Variants in CLSTN1 observed in about 807,000 individuals in gnomAD.
The protein encoded by CLSTN1 is calsyntenin-1.
A neutral mutation model predicts 108.3 loss-of-function variants in CLSTN1; 28 were observed. That is an observed-to-expected ratio of 0.26 (90% CI 0.19 to 0.35). The LOEUF is 0.35. Among genes scored for constraint, CLSTN1 ranks in the 10% least tolerant of loss-of-function variants. The probability of loss-of-function intolerance (pLI) is 1.00; values close to 1 mark genes in which losing one functional copy is unlikely to be tolerated. For synonymous variants in CLSTN1, 524 were observed against 534.9 expected, an observed-to-expected ratio of 0.98 and a Z score of 0.28; for missense variants, 1,157 against 1,302.6, an observed-to-expected ratio of 0.89 and a Z score of 1.72.
intron 11 of CLSTN1, among the ~76,000 whole-genome samples, chr1:9,736,596 T>C (rs1180683322): frequency 6.6e-6 from 1 of 152,210 alleles, no homozygotes; most frequent in Non-Finnish European, 1.5e-5. Flanking sequence ...GAAGTGCAGA[T>C]GTTACAACGA....
chr1:9,819,817 T>C (rs992639441), intron 1 of CLSTN1, among the ~76,000 whole-genome samples: 2 of 152,234 alleles, frequency 1.3e-5, no homozygotes, highest in African/African-American at 2.4e-5. Context: ...TGGGTAATAC[T>C]GAGGTCTATA....
intron 16 of CLSTN1, 23 bp from the exon 17 acceptor site, chr1:9,731,919 C>T (rs1352306757): frequency 8.7e-6 from 14 of 1,613,696 alleles, no homozygotes; most frequent in East Asian, 2.2e-5. Context: ...AAGAGAGGAT[C>T]GCTGGAGACA....
rs749847453 is a variant in CLSTN1 at position 9,733,512 on chromosome 1, C to T, written c.2316G>A (p.Leu772=). 9.3e-6 allele frequency: 15 copies of T among 1,614,042 alleles called. No homozygotes were observed. The East Asian group carries it at 3.3e-4, about 36-fold the overall frequency. The change falls in exon 16 of 19, where the codon TTG becomes TTA. Residue 772 remains leucine (L), a synonymous_variant. Transcript: ENST00000377298. Reference sequence around the variant, plus strand: ...GCCAGTTCCGATAGCGCAGCAGGTGCAAAACCTCCTCGTAGCTGGCCATGG... The same window carrying T: ...GCCAGTTCCGATAGCGCAGCAGGTGTAAAACCTCCTCGTAGCTGGCCATGG... ...VDTMASYEEV[L]HLLRYRNWHA... is the part of the protein sequence containing the mutation.
At chr1:9,776,048 C>A (rs1013026759) in intron 1 of CLSTN1, among the ~76,000 whole-genome samples, 1 of 151,720 alleles carries the variant, frequency 6.6e-6, no homozygotes, top group Non-Finnish European at 1.5e-5. Flanking sequence ...TCTCAGCTCA[C>A]TGCAACCTTC....
chr1:9,808,018 A>G (rs1171558975), intron 1 of CLSTN1, among the ~76,000 whole-genome samples: 2 of 152,130 alleles, frequency 1.3e-5, no homozygotes, highest in Non-Finnish European at 2.9e-5. Context: ...TGCCACTCCA[A>G]TGCCTCCCAC....
At chr1:9,751,403 T>G (rs1040093512) in intron 5 of CLSTN1, 70 bp downstream of exon 5, 1 of 1,445,650 alleles carries the variant, frequency 6.9e-7, no homozygotes, top group African/African-American at 1.4e-5. Context: ...GCACAGAAGC[T>G]GGGGTGTAAA....
chr1:9,785,969 A>C (rs910699261), intron 1 of CLSTN1, among the ~76,000 whole-genome samples: 1 of 151,838 alleles, frequency 6.6e-6, no homozygotes, highest in African/African-American at 2.4e-5. Context: ...TGAGTTCAGG[A>C]GTTCGACACC....
At position 9,733,898 on chromosome 1, in the gene CLSTN1, A is replaced by G; in HGVS notation, c.2281+74T>C. The G allele has an allele frequency of 6.4e-6, 9 of 1,414,520 alleles. No homozygotes were observed. In the Admixed American group the frequency reaches 1.0e-4, roughly 16 times the overall value. The allele number at this position is 1,414,520 out of a possible 1,614,324, so 87.6% of individuals were successfully genotyped here. Reference sequence around the variant, plus strand: ...AACTCAACATTCTCAGATGGCAGGCAGCAGCCAGCCAAGAGCTCTCAAAGT... The same window carrying G: ...AACTCAACATTCTCAGATGGCAGGCGGCAGCCAGCCAAGAGCTCTCAAAGT... On this transcript the variant is annotated intron_variant, in intron 15 of 18. Coordinates refer to ENST00000377298, the MANE Select transcript of CLSTN1 (RefSeq NM_001009566.3).
Position 9,787,466 on chromosome 1 carries a change from T to C in CLSTN1, c.92-14072A>G, listed in dbSNP as rs983390609. ...TCGCCCAGCCTGGAGTGCAGTGGTG[T>C]GATCTCGGCTCACTGCAAGCTCCGC... is the stretch of plus-strand genomic sequence containing the variant. On this transcript the variant is annotated intron_variant, in intron 1 of 18. Transcript: ENST00000377298. 1.6e-4 allele frequency among the ~76,000 whole-genome samples: 24 copies of C among 146,566 alleles called. 2 individuals carry two copies. The highest frequency in any genetic ancestry group is 4.8e-4 in the South Asian group (2 of 4,180).
intron 1 of CLSTN1, among the ~76,000 whole-genome samples, chr1:9,803,388 C>G (rs563590552): frequency 2.5e-4 from 38 of 152,294 alleles, no homozygotes; most frequent in African/African-American, 9.1e-4. Flanking sequence ...GCAGACAGCC[C>G]AGGTACAGGC....
intron 2 of CLSTN1, among the ~76,000 whole-genome samples, chr1:9,757,830 A>G (rs1477579484): frequency 6.6e-6 from 1 of 152,106 alleles, no homozygotes; most frequent in Non-Finnish European, 1.5e-5. Context: ...CCCTCAACAC[A>G]CTGGGCCCTC....
At chr1:9,750,447 T>G (rs1036102934) in intron 5 of CLSTN1, among the ~76,000 whole-genome samples, 1 of 152,074 alleles carries the variant, frequency 6.6e-6, no homozygotes, top group African/African-American at 2.4e-5. Flanking sequence ...TCTTTTTTTT[T>G]CTTTTTGGAA....
chr1:9,757,304 T>C (rs1343193320), intron 2 of CLSTN1, among the ~76,000 whole-genome samples: 1 of 149,754 alleles, frequency 6.7e-6, no homozygotes, highest in Admixed American at 6.7e-5. Flanking sequence ...TGCAGTGGCG[T>C]GATCTCGGCT....
rs765217344 is a variant in CLSTN1 at position 9,733,541 on chromosome 1, C to G, written c.2287G>C (p.Asp763His). 8.8e-5 allele frequency: 142 copies of G among 1,613,942 alleles called. No individual in the cohort carries two copies. Among genetic ancestry groups the G allele is most frequent in the Non-Finnish European group, 1.2e-4 (139 of 1,179,992 alleles). The change falls in exon 16 of 19, where the codon GAC becomes CAC. Residue 763 changes from aspartate (D) to histidine (H), a missense_variant. Transcript: ENST00000377298. ...ACCTCCTCGTAGCTGGCCATGGTGT[C>G]CACGCCTGCAGGGGTTGAAAGGGGG... ...SELGMTFTGV[D>H]TMASYEEVLH...
At chr1:9,805,525 T>C (rs774566211) in intron 1 of CLSTN1, among the ~76,000 whole-genome samples, 7 of 152,192 alleles carry the variant, frequency 4.6e-5, no homozygotes, top group Non-Finnish European at 7.3e-5. Context: ...GCCAGTCTTC[T>C]TACTAAGTTG....
intron 1 of CLSTN1, among the ~76,000 whole-genome samples, chr1:9,803,071 C>T (rs1396382779): frequency 6.6e-6 from 1 of 152,130 alleles, no homozygotes; most frequent in Non-Finnish European, 1.5e-5. Context: ...GATCCTCCTG[C>T]CTCAGCCTCC....
chr1:9,820,638 C>T (rs1655157806), intron 1 of CLSTN1, among the ~76,000 whole-genome samples: 1 of 152,158 alleles, frequency 6.6e-6, no homozygotes, highest in African/African-American at 2.4e-5. Flanking sequence ...GCTGTCTAAA[C>T]TGAAATGCTG....
intron 1 of CLSTN1, among the ~76,000 whole-genome samples, chr1:9,796,526 A>G (rs1485975521): frequency 6.6e-6 from 1 of 150,428 alleles, no homozygotes; most frequent in African/African-American, 2.4e-5. Flanking sequence ...ATACAAAAAA[A>G]AAAAAAAATT....
chr1:9,815,253 G>C (rs1286477859), intron 1 of CLSTN1, among the ~76,000 whole-genome samples: 2 of 152,206 alleles, frequency 1.3e-5, no homozygotes, highest in East Asian at 3.8e-4. Context: ...TTTAAGAAAA[G>C]GGTTGCTCTG....
Sources: gnomAD v4.1 joint callset for allele counts (sites outside exome capture counted in the v4.1 genomes callset) on GRCh38, gnomAD v4.1.1 for gene constraint, MANE v1.5 for transcripts, NCBI Gene and HGNC (gene_info 2026-07-23, HGNC 2026-07-21) for gene names.